DHX57: variants seen among roughly 807,000 people sequenced by gnomAD.
The protein encoded by DHX57 is putative ATP-dependent RNA helicase DHX57.
Under a neutral mutation model 156.2 loss-of-function variants are expected in DHX57, and 105 were observed. That is an observed-to-expected ratio of 0.67 (90% CI 0.57 to 0.79). The LOEUF (loss-of-function observed/expected upper bound fraction) is 0.79, where lower values mean the gene tolerates loss of function less well. DHX57 is among the 30% of genes least tolerant of loss of function. DHX57 has a pLI of 0.00. For missense variants in DHX57, 1,847 were observed against 1,661.9 expected (o/e 1.11, Z -1.94); for synonymous variants, 704 against 595.6 (o/e 1.18, Z -2.65).
chr2:38,846,220 C>A (rs1290013429), intron 11 of DHX57, among the ~76,000 whole-genome samples: 1 of 152,184 alleles, frequency 6.6e-6, no homozygotes, highest in Non-Finnish European at 1.5e-5. Flanking sequence ...GTTCTAAGCA[C>A]TTTGCAAGTA....
chr2:38,851,310 C>T (rs962615285), intron 9 of DHX57, among the ~76,000 whole-genome samples: 2 of 152,026 alleles, frequency 1.3e-5, no homozygotes, highest in Non-Finnish European at 2.9e-5. Context: ...TTACTGTATG[C>T]CTTAGAATGA....
At chr2:38,802,566 GTGT>G (rs1669735237) in intron 23 of DHX57, 146 bp downstream of exon 23, 1 of 951,138 alleles carries the variant, frequency 1.1e-6, no homozygotes, top group Non-Finnish European at 1.5e-6. Context: ...GGGATTATAG[GTGT>G]GAGCCACTGG....
Position 38,861,270 on chromosome 2 carries a change from G to A in DHX57, c.1140C>T (p.Asn380=), listed in dbSNP as rs1673187771. The A allele has an allele frequency of 6.2e-7, 1 of 1,614,186 alleles. No individual in the cohort carries two copies. The highest frequency in any genetic ancestry group is 1.3e-5 in the African/African-American group (1 of 75,044). The part of the protein sequence containing the change: ...PLVAFYSTNE[N]LPLACRLHIS... ...TATGTAAACGACAAGCCAGAGGTAGGTTCTCATTGGTGGAATAAAATGCCA... is the reference window on the plus strand; with the variant it reads ...TATGTAAACGACAAGCCAGAGGTAGATTCTCATTGGTGGAATAAAATGCCA... Residue 380 remains asparagine (N), a synonymous_variant, in exon 5 of 24, where the codon AAC becomes AAT. Coordinates refer to ENST00000457308, the MANE Select transcript of DHX57 (RefSeq NM_198963.3).
intron 17 of DHX57, among the ~76,000 whole-genome samples, chr2:38,820,512 T>C (rs3099973): frequency 0.93 from 142,024 of 152,182 alleles, 67,116 homozygotes; most frequent in East Asian, 1. Context: ...TGGGAAAAGG[T>C]AATAGAAGTC....
intron 12 of DHX57, among the ~76,000 whole-genome samples, chr2:38,839,272 T>A (rs1671853642): frequency 1.3e-5 from 2 of 151,870 alleles, no homozygotes; most frequent in South Asian, 4.2e-4. Context: ...TTGGGGTGAC[T>A]AACTCTTCAA....
Position 38,802,679 on chromosome 2 carries a change from C to A in DHX57, c.4017+36G>T, listed in dbSNP as rs754539780. ...TTCATATTGTCAAAGCCCCTCATGG[C>A]CTGAGCCTCATAAAACAGACCAATT... is the stretch of plus-strand genomic sequence containing the variant. On this transcript the variant is annotated intron_variant, in intron 23 of 23. Transcript: ENST00000457308. 1.1e-5 allele frequency: 18 copies of A among 1,611,570 alleles called. 1 individual carries two copies. In the African/African-American group the frequency reaches 1.3e-4, roughly 12 times the overall value.
intron 17 of DHX57, 86 bp from the exon 18 acceptor site, chr2:38,819,230 A>G (rs1670696078): frequency 1.6e-6 from 2 of 1,286,172 alleles, no homozygotes; most frequent in African/African-American, 1.5e-5. Context: ...GCTGGAGTGC[A>G]GTGGTGCGAT....
chr2:38,875,533 C>G (rs193098969), intron 1 of DHX57, among the ~76,000 whole-genome samples: 28 of 152,194 alleles, frequency 1.8e-4, no homozygotes, highest in African/African-American at 6.3e-4. Context: ...CCCCGCCCCC[C>G]CCGGCCCCAA....
chr2:38,844,268 C>T (rs1170529542), intron 11 of DHX57, among the ~76,000 whole-genome samples: 2 of 152,136 alleles, frequency 1.3e-5, no homozygotes, highest in Non-Finnish European at 2.9e-5. Flanking sequence ...AACAAAACAA[C>T]ACACTATACT....
chr2:38,866,730 A>G lies in DHX57; in HGVS notation c.224+1452T>C, dbSNP rs977042506. Among the ~76,000 whole-genome samples the G allele has an allele frequency of 1.5e-4, 23 of 152,350 alleles. No homozygotes were observed. In the South Asian group the frequency reaches 2.3e-3, roughly 15 times the overall value. ...CGGACTCCAAGAACCTATAATGTCC[A>G]TGTTTTGAAAAACTATGGAGCTGCA... On this transcript the variant is annotated intron_variant, in intron 2 of 23. Coordinates refer to ENST00000457308, the MANE Select transcript of DHX57 (RefSeq NM_198963.3).
At chr2:38,863,275 A>G in intron 3 of DHX57, 86 bp downstream of exon 3, 2 of 1,393,656 alleles carry the variant, frequency 1.4e-6, no homozygotes, top group South Asian at 1.4e-5. Context: ...ATCAGTACTG[A>G]CACAGCATTC....
chr2:38,834,893 C>A (rs1671572630), intron 13 of DHX57, among the ~76,000 whole-genome samples: 1 of 152,156 alleles, frequency 6.6e-6, no homozygotes, highest in Non-Finnish European at 1.5e-5. Flanking sequence ...CTTTTTATCT[C>A]ATTGAAAATG....
At chr2:38,809,663 C>T (rs1196396528) in intron 21 of DHX57, among the ~76,000 whole-genome samples, 5 of 151,874 alleles carry the variant, frequency 3.3e-5, no homozygotes. Context: ...CAGGGTTTCA[C>T]CATATTGGCC....
chr2:38,806,966 T>A (rs1450626967), intron 21 of DHX57, among the ~76,000 whole-genome samples: 1 of 151,890 alleles, frequency 6.6e-6, no homozygotes, highest in African/African-American at 2.4e-5. Flanking sequence ...ATATTGATAT[T>A]TTGGGTCTGT....
intron 13 of DHX57, among the ~76,000 whole-genome samples, chr2:38,830,703 T>G (rs1558375483): frequency 6.6e-6 from 1 of 152,050 alleles, no homozygotes; most frequent in Non-Finnish European, 1.5e-5. Flanking sequence ...GTCACAGAGT[T>G]AGTAAGCATG....
In DHX57 at chr2:38,862,238, T is replaced by C; in HGVS notation, c.479A>G (p.Asp160Gly). The C allele has an allele frequency of 1.2e-6, 2 of 1,613,952 alleles. No homozygotes were observed. Among genetic ancestry groups the C allele is most frequent in the East Asian group, 2.2e-5 (1 of 44,882 alleles). The change falls in exon 4 of 24, where the codon GAC becomes GGC. Residue 160 changes from aspartate to glycine, a missense_variant. By Grantham distance (94) the Asp-to-Gly change is moderately conservative (BLOSUM62 -1). Coordinates refer to ENST00000457308, the MANE Select transcript of DHX57 (RefSeq NM_198963.3). ...GCCAGCATATTCCAAAGGATCCAAG[T>C]CGGGAACGAGGGAAGGTTCCTGTCC... ...PAGQEPSLVP[D>G]LDPLEYAGLA...
intron 22 of DHX57, 88 bp from the exon 23 acceptor site, chr2:38,803,003 C>A: frequency 7.1e-7 from 1 of 1,406,492 alleles, no homozygotes; most frequent in South Asian, 1.2e-5. Context: ...TAAATACTGC[C>A]TATTAATGAC....
chr2:38,868,134 G>A (rs546465159), intron 2 of DHX57, 48 bp downstream of exon 2: 10 of 1,598,424 alleles, frequency 6.3e-6, no homozygotes, highest in African/African-American at 1.3e-5. Context: ...CCATACATTA[G>A]GGGTTGATAC....
At chr2:38,813,773 T>A in intron 21 of DHX57, 48 bp downstream of exon 21, 1 of 1,602,100 alleles carries the variant, frequency 6.2e-7, no homozygotes, top group South Asian at 1.1e-5. Context: ...ATCACTTGGC[T>A]ACAAATCAAA....
Sources: gnomAD v4.1 joint callset for allele counts (sites outside exome capture counted in the v4.1 genomes callset) on GRCh38, gnomAD v4.1.1 for gene constraint, MANE v1.5 for transcripts, NCBI Gene and HGNC (gene_info 2026-07-23, HGNC 2026-07-21) for gene names.